Variants in GLB1L2 observed in about 807,000 individuals in gnomAD.
The protein encoded by GLB1L2 is beta-galactosidase-1-like protein 2.
GLB1L2 carries 68 observed loss-of-function variants against 84.1 expected under a neutral mutation model. That is an observed-to-expected ratio of 0.81 (90% CI 0.67 to 0.99). The LOEUF is 0.99. Ranked by LOEUF, GLB1L2 falls within the 50% of genes least tolerant of loss-of-function variation. GLB1L2 has a pLI of 0.00. For missense variants in GLB1L2, 762 were observed against 805.6 expected (o/e 0.95, Z 0.66); for synonymous variants, 290 against 318.0 (o/e 0.91, Z 0.94).
intron 6 of GLB1L2, among the ~76,000 whole-genome samples, chr11:134,358,596 C>A (rs1270777278): frequency 1.3e-5 from 2 of 152,278 alleles, no homozygotes; most frequent in African/African-American, 4.8e-5. Context: ...CCTTGCCATC[C>A]CCCAAACCCA....
chr11:134,359,066 G>A lies in GLB1L2; in HGVS notation c.658G>A (p.Glu220Lys). 6.3e-7 allele frequency: 1 copy of A among 1,599,786 alleles called. No individual in the cohort carries two copies. The highest frequency in any genetic ancestry group is 8.5e-7 in the Non-Finnish European group (1 of 1,172,668). ...TGTCTCATTTCCCCCACAGGCACTG[G>A]AGGACCGTGGCATTGTGGAACTGCT... ...AYMPYVKKALEDRGIVELLLT... is the reference protein window; with the variant it reads ...AYMPYVKKALKDRGIVELLLT... The change falls in exon 7 of 19, where the codon GAG (glutamate) becomes AAG (lysine). Residue 220 changes from glutamate to lysine, a missense_variant. Glu to Lys is a moderately conservative substitution (Grantham distance 56). This residue lies in a region of GLB1L2 where 603 missense variants were observed against 611.7 expected (regional missense o/e 0.99). Transcript: ENST00000535456.
chr11:134,361,983 C>T (rs1943798835), intron 7 of GLB1L2, among the ~76,000 whole-genome samples: 1 of 152,192 alleles, frequency 6.6e-6, no homozygotes, highest in Non-Finnish European at 1.5e-5. Flanking sequence ...CGGGGAGCGG[C>T]CCAGTTACGC....
chr11:134,355,424 A>G (rs1245286996), intron 5 of GLB1L2, among the ~76,000 whole-genome samples: 3 of 152,262 alleles, frequency 2.0e-5, no homozygotes, highest in Non-Finnish European at 4.4e-5. Context: ...TGGGCTTTTG[A>G]AAAAACAAAC....
chr11:134,352,672 A>T (rs912476930), intron 5 of GLB1L2, among the ~76,000 whole-genome samples: 1 of 137,498 alleles, frequency 7.3e-6, no homozygotes. Context: ...TTTGAGATGG[A>T]GTCTCGCTCT....
chr11:134,370,222 G>C lies in GLB1L2; in HGVS notation c.1109-71G>C. On this transcript the variant is annotated intron_variant, in intron 11 of 18. Coordinates refer to ENST00000535456, the MANE Select transcript of GLB1L2 (RefSeq NM_001370461.1). This position sits in a 1 kb window ranked among gnomAD's most constrained non-coding sequence, Gnocchi z 4.7. ...GAGCACATCGGGTCTGTGGATGGGAGCCGGGTGGGGAGGACGAGCAGGCAG... is the reference window on the plus strand; with the variant it reads ...GAGCACATCGGGTCTGTGGATGGGACCCGGGTGGGGAGGACGAGCAGGCAG... The C allele has an allele frequency of 7.8e-7, 1 of 1,283,528 alleles. No individual in the cohort carries two copies. The highest frequency in any genetic ancestry group is 1.1e-6 in the Non-Finnish European group (1 of 881,760). The allele number at this position is 1,283,528 out of a possible 1,614,324, so 79.5% of individuals were successfully genotyped here. A position where few individuals can be genotyped will look rare whatever the true frequency, so the allele number is the denominator to read the frequency against.
chr11:134,374,283 T>C lies in GLB1L2; in HGVS notation c.1707+27T>C, dbSNP rs745657131. On this transcript the variant is annotated intron_variant, in intron 17 of 18. Transcript: ENST00000535456. ...TTGGTAACGCCCTTTTCCCTGCCAGTTTCTCCCACCTGCCTCCCGCCTTGG... is the reference window on the plus strand; with the variant it reads ...TTGGTAACGCCCTTTTCCCTGCCAGCTTCTCCCACCTGCCTCCCGCCTTGG... 3 of 1,524,136 alleles carry C rather than the reference T, an allele frequency of 2.0e-6. No homozygotes were observed. In the South Asian group the frequency reaches 3.4e-5, roughly 17 times the overall value. 94.4% of individuals were successfully genotyped at this position (1,524,136 alleles called of 1,614,324 possible).
intron 3 of GLB1L2, among the ~76,000 whole-genome samples, chr11:134,344,685 G>A (rs1333985094): frequency 6.6e-6 from 1 of 152,280 alleles, no homozygotes; most frequent in Non-Finnish European, 1.5e-5. Flanking sequence ...CAGCCCAGAG[G>A]GGCAGAAGAC....
intron 5 of GLB1L2, among the ~76,000 whole-genome samples, chr11:134,354,459 T>C (rs1418478217): frequency 1.3e-5 from 2 of 152,062 alleles, no homozygotes; most frequent in East Asian, 3.8e-4. Context: ...TTTATGTGTC[T>C]ATCTTTGCTG....
rs115875139 is a variant in GLB1L2, at chr11:134,357,695, T to G, written c.651+1302T>G. ...TGGTGTCGGGGCGGAGGCGCCCATG[T>G]GTGACTCAGGTGGGCAAAGAGAAGC... is the stretch of plus-strand genomic sequence containing the variant. On this transcript the variant is annotated intron_variant, in intron 6 of 18. Coordinates refer to ENST00000535456, the MANE Select transcript of GLB1L2 (RefSeq NM_001370461.1). Among the ~76,000 whole-genome samples the G allele has an allele frequency of 9.5e-3, 1,440 of 152,310 alleles. 24 individuals carry two copies. Among genetic ancestry groups the G allele is most frequent in the African/African-American group, 0.033 (1,360 of 41,578 alleles).
intron 15 of GLB1L2, chr11:134,372,391 C>CT (rs35436836): frequency 8.7e-5 from 13 of 149,646 alleles, no homozygotes; most frequent in South Asian, 2.1e-4. Context: ...TTAGCCCTTC[C>CT]TTTTTTTTTT....
rs200973877 is a variant in GLB1L2 at position 134,370,422 on chromosome 11, G to A, written c.1215+23G>A. The A allele has an allele frequency of 6.3e-6, 10 of 1,576,046 alleles. 1 individual carries two copies. The highest frequency in any genetic ancestry group is 3.4e-4 in the Middle Eastern group (2 of 5,950). The stretch of plus-strand genomic sequence containing the variant: ...GAGGTGAGTGCTGTGGGCAGTCATC[G>A]GGAGGTGAGTGAGTGCCGGGGGCAG... On this transcript the variant is annotated intron_variant, in intron 12 of 18. Coordinates refer to ENST00000535456, the MANE Select transcript of GLB1L2 (RefSeq NM_001370461.1). This position sits in a 1 kb window ranked among gnomAD's most constrained non-coding sequence, Gnocchi z 4.7.
chr11:134,342,163 G>C (rs897235443), intron 1 of GLB1L2, among the ~76,000 whole-genome samples: 5 of 152,182 alleles, frequency 3.3e-5, no homozygotes, highest in African/African-American at 4.8e-5. Context: ...GAGATGCCGA[G>C]AGGCGCTTTC....
intron 13 of GLB1L2, 132 bp from the exon 14 acceptor site, chr11:134,371,289 C>T (rs1943948827): frequency 8.0e-7 from 1 of 1,243,878 alleles, no homozygotes; most frequent in Admixed American, 1.8e-5. Flanking sequence ...CTTCAGGGGG[C>T]ATTCATGTCT....
chr11:134,367,878 T>C (rs1390589327), intron 9 of GLB1L2, among the ~76,000 whole-genome samples: 2 of 152,244 alleles, frequency 1.3e-5, no homozygotes, highest in East Asian at 3.9e-4. Flanking sequence ...CCCGGGTTGT[T>C]TCTGGTGGTT....
intron 6 of GLB1L2, among the ~76,000 whole-genome samples, chr11:134,358,031 G>A (rs1212199602): frequency 1.3e-5 from 2 of 152,206 alleles, no homozygotes; most frequent in Non-Finnish European, 2.9e-5. Context: ...ATTGAACTCT[G>A]CAGCTCTCCT....
rs140813422 is a variant in GLB1L2 at position 134,368,708 on chromosome 11, C to T, written c.954C>T (p.His318=). 3.2e-5 allele frequency: 51 copies of T among 1,613,760 alleles called. No individual in the cohort carries two copies. The highest frequency in any genetic ancestry group is 4.5e-5 in the East Asian group (2 of 44,900). ...AGSSINLYMF[H]GGTNFGFMNG... ...CCTCCATCAACCTCTACATGTTCCA[C>T]GGAGGCACCAACTTTGGCTTCATGA... is the stretch of plus-strand genomic sequence containing the variant. Residue 318 remains histidine (H), a synonymous_variant, in exon 10 of 19, where the codon CAC becomes CAT. Coordinates refer to ENST00000535456, the MANE Select transcript of GLB1L2 (RefSeq NM_001370461.1).
At chr11:134,348,484 T>C (rs547493334) in intron 5 of GLB1L2, among the ~76,000 whole-genome samples, 15 of 152,320 alleles carry the variant, frequency 9.8e-5, no homozygotes, top group African/African-American at 3.4e-4. Flanking sequence ...TCAGAGGCAC[T>C]TGCAGACGTG....
intron 8 of GLB1L2, chr11:134,366,957 T>G (rs1483873220): frequency 2.5e-6 from 1 of 403,556 alleles, no homozygotes; most frequent in East Asian, 5.5e-5. Context: ...CTTGGCTTGA[T>G]CCTGGACCAG....
At chr11:134,332,766 C>T (rs948577044) in intron 1 of GLB1L2, among the ~76,000 whole-genome samples, 2 of 152,210 alleles carry the variant, frequency 1.3e-5, no homozygotes, top group Admixed American at 6.5e-5. Flanking sequence ...TCCTCTCCCC[C>T]TTTTCCAAAT....
Sources: gnomAD v4.1 joint callset for allele counts (sites outside exome capture counted in the v4.1 genomes callset) on GRCh38, gnomAD v4.1.1 for gene constraint, gnomAD v4.1.1 regional missense constraint, Gnocchi (gnomAD v3.1) non-coding constraint, MANE v1.5 for transcripts, NCBI Gene and HGNC (gene_info 2026-07-23, HGNC 2026-07-21) for gene names.